The following MSI2 variants were observed in gnomAD, a reference collection of about 807,000 sequenced individuals.
The protein encoded by MSI2 is RNA-binding protein Musashi homolog 2.
MSI2 carries 17 observed loss-of-function variants against 45.6 expected under a neutral mutation model. That is an observed-to-expected ratio of 0.37 (90% confidence interval 0.26 to 0.56). The LOEUF (loss-of-function observed/expected upper bound fraction) is 0.56, where lower values mean the gene tolerates loss of function less well. Among genes scored for constraint, MSI2 ranks in the 20% least tolerant of loss-of-function variants. The pLI is 0.77. For synonymous variants in MSI2, 156 were observed against 158.2 expected, an observed-to-expected ratio of 0.99 and a Z score of 0.11; for missense variants, 293 against 444.2, an observed-to-expected ratio of 0.66 and a Z score of 3.06.
chr17:57,559,344 C>G (rs756444187), intron 7 of MSI2, among the ~76,000 whole-genome samples: 3 of 152,210 alleles, frequency 2.0e-5, no homozygotes, highest in Non-Finnish European at 2.9e-5. Flanking sequence ...AGCTCCCCCT[C>G]TCTCCTCTCC....
chr17:57,583,488 C>CTTTTTTTTTTTTTTTTTTTT (rs5821192), intron 7 of MSI2, among the ~76,000 whole-genome samples: 8 of 98,024 alleles, frequency 8.2e-5, no homozygotes, highest in African/African-American at 1.2e-4. Context: ...CCCAATGTTT[C>CTTTTTTTTTTTTTTTTTTTT]TTTTTTTTTT....
At chr17:57,437,609 G>C (rs2084713396) in intron 6 of MSI2, among the ~76,000 whole-genome samples, 1 of 152,126 alleles carries the variant, frequency 6.6e-6, no homozygotes, top group South Asian at 2.1e-4. Flanking sequence ...TTTGTCCTTG[G>C]CTCTCTTTTC....
chr17:57,502,602 G>GATAGATATATATATATATATATAT (rs1190802566), intron 6 of MSI2, among the ~76,000 whole-genome samples: 1 of 54,416 alleles, frequency 1.8e-5, no homozygotes, highest in African/African-American at 5.8e-5. Flanking sequence ...ATGACTCTGA[G>GATAGATATATATATATATATATAT]ATATATATAT....
intron 5 of MSI2, among the ~76,000 whole-genome samples, chr17:57,382,600 G>A (rs1279016046): frequency 6.6e-6 from 1 of 152,166 alleles, no homozygotes; most frequent in South Asian, 2.1e-4. Flanking sequence ...ATGTTAGTTG[G>A]GAAACTGATA....
chr17:57,272,547 G>T (rs1310149342), intron 5 of MSI2, among the ~76,000 whole-genome samples: 2 of 152,200 alleles, frequency 1.3e-5, no homozygotes, highest in African/African-American at 4.8e-5. Context: ...GGCAACAACT[G>T]CTTCTTAAAT....
At chr17:57,664,256 C>A (rs1035246739) in intron 11 of MSI2, among the ~76,000 whole-genome samples, 1 of 152,220 alleles carries the variant, frequency 6.6e-6, no homozygotes, top group Admixed American at 6.5e-5. Flanking sequence ...CGGTGACTCA[C>A]GCCTGTAATC....
chr17:57,590,409 G>C (rs138132517), intron 7 of MSI2, among the ~76,000 whole-genome samples: 1 of 152,070 alleles, frequency 6.6e-6, no homozygotes, highest in African/African-American at 2.4e-5. Flanking sequence ...TTCAGATTTC[G>C]ATCTTCTTCT....
At chr17:57,499,228 T>C (rs143072794) in intron 6 of MSI2, among the ~76,000 whole-genome samples, 182 of 151,600 alleles carry the variant, frequency 1.2e-3, no homozygotes, top group African/African-American at 4.3e-3. Context: ...ATACAAAAAT[T>C]AGCCAGGTGT....
At chr17:57,675,492 G>C (rs1913161751) in intron 12 of MSI2, among the ~76,000 whole-genome samples, 1 of 152,210 alleles carries the variant, frequency 6.6e-6, no homozygotes, top group South Asian at 2.1e-4. Context: ...ATTCGAAACA[G>C]TGTCCCACGC....
chr17:57,547,741 T>TACACACACACACACACACACACAC (rs34631177), intron 7 of MSI2, among the ~76,000 whole-genome samples: 2 of 123,314 alleles, frequency 1.6e-5, no homozygotes, highest in Non-Finnish European at 3.6e-5. Context: ...AGACAAAAAG[T>TACACACACACACACACACACACAC]ACACACACAC....
At chr17:57,306,650 CAGTT>C (rs1330637532) in intron 5 of MSI2, among the ~76,000 whole-genome samples, 7 of 152,240 alleles carry the variant, frequency 4.6e-5, no homozygotes, top group African/African-American at 7.2e-5. Context: ...TACCTGGTGA[CAGTT>C]AGATGTGTAT....
In MSI2 at chr17:57,316,163, G is replaced by A. The variant is rs1912833550; in HGVS notation, c.312+53971G>A. ...TGTTAACCCAGGGCCATAGCATGAA[G>A]GAGAAGGGAAATCTATCTGGAGGGT... On this transcript the variant is annotated intron_variant, in intron 5 of 13. Transcript: ENST00000284073. 3.3e-5 allele frequency among the ~76,000 whole-genome samples: 5 copies of A among 152,052 alleles called. No individual in the cohort carries two copies. In the South Asian group the frequency reaches 1.0e-3, roughly 32 times the overall value.
At chr17:57,292,032 G>T (rs150416454) in intron 5 of MSI2, among the ~76,000 whole-genome samples, 33 of 152,138 alleles carry the variant, frequency 2.2e-4, no homozygotes, top group African/African-American at 6.7e-4. Flanking sequence ...ACAAAAGCTA[G>T]ACAGTCCCCC....
intron 6 of MSI2, among the ~76,000 whole-genome samples, chr17:57,488,714 C>G (rs1001687605): frequency 1.3e-5 from 2 of 151,986 alleles, no homozygotes; most frequent in African/African-American, 4.8e-5. Flanking sequence ...ATCCCAGCTA[C>G]TTGGGAGGCT....
intron 6 of MSI2, among the ~76,000 whole-genome samples, chr17:57,459,534 T>A (rs192316680): frequency 8.9e-4 from 136 of 152,304 alleles, no homozygotes; most frequent in African/African-American, 3.0e-3. Context: ...ACTTGTTAGA[T>A]GGGAACCCTG....
chr17:57,698,856 G>A, the MSI2 span, among the ~76,000 whole-genome samples: 3 of 150,450 alleles, frequency 2.0e-5, no homozygotes, highest in Non-Finnish European at 4.4e-5. Context: ...GTTCTCTTCA[G>A]TTTCTTGTAA....
intron 7 of MSI2, among the ~76,000 whole-genome samples, chr17:57,541,248 C>T (rs186526261): frequency 6.6e-6 from 1 of 151,974 alleles, no homozygotes; most frequent in Admixed American, 6.6e-5. Flanking sequence ...CTTTATAAGC[C>T]AAGGAATAAC....
intron 6 of MSI2, among the ~76,000 whole-genome samples, chr17:57,409,759 A>T (rs9912980): frequency 0.35 from 53,796 of 151,852 alleles, 10,861 homozygotes; most frequent in African/African-American, 0.54. Flanking sequence ...CTGTAATCCC[A>T]GCACTTTGGG....
chr17:57,549,267 G>A (rs2087247627), intron 7 of MSI2, among the ~76,000 whole-genome samples: 1 of 151,246 alleles, frequency 6.6e-6, no homozygotes, highest in Non-Finnish European at 1.5e-5. Flanking sequence ...TGCCTAGCCT[G>A]CAGGGGTTTA....
Sources: gnomAD v4.1 joint callset for allele counts (sites outside exome capture counted in the v4.1 genomes callset) on GRCh38, gnomAD v4.1.1 for gene constraint, MANE v1.5 for transcripts, NCBI Gene and HGNC (gene_info 2026-07-23, HGNC 2026-07-21) for gene names.